SLC60A2: variants seen among roughly 807,000 people sequenced by gnomAD.
The protein encoded by SLC60A2 is solute carrier family 60 member 2.
chr6:111,262,383 G>A, the SLC60A2 span: 1 of 1,613,832 alleles, frequency 6.2e-7, no homozygotes, highest in Admixed American at 1.7e-5. Flanking sequence ...CTCTGTGATT[G>A]GTGGATTTCT....
the SLC60A2 span, among the ~76,000 whole-genome samples, chr6:111,263,027 T>C: frequency 6.6e-6 from 1 of 151,992 alleles, no homozygotes; most frequent in African/African-American, 2.4e-5. Flanking sequence ...AACCTCCCCC[T>C]CCTGGGCTCA....
the SLC60A2 span, chr6:111,265,389 T>TGG: frequency 1.0e-6 from 1 of 985,390 alleles, no homozygotes; most frequent in Non-Finnish European, 1.2e-6. Flanking sequence ...ACCAGAATCC[T>TGG]GGCTATTCAG....
the SLC60A2 span, chr6:111,270,251 C>T: frequency 6.6e-6 from 1 of 152,132 alleles, no homozygotes; most frequent in Non-Finnish European, 1.5e-5. Context: ...CATATTCTAG[C>T]GTCTAGAAGC....
At chr6:111,265,903 G>C in the SLC60A2 span, 3 of 1,611,006 alleles carry the variant, frequency 1.9e-6, no homozygotes, top group Non-Finnish European at 2.5e-6. Flanking sequence ...TTGGCTATTT[G>C]GGGGGACAAA....
the SLC60A2 span, chr6:111,267,171 G>A: frequency 1.2e-5 from 18 of 1,481,438 alleles, no homozygotes; most frequent in Non-Finnish European, 1.6e-5. Context: ...TTCTAAGGAC[G>A]CCATTCAGAG....
chr6:111,265,484 T>C, the SLC60A2 span: 6 of 630,144 alleles, frequency 9.5e-6, no homozygotes, highest in Non-Finnish European at 1.2e-5. Flanking sequence ...TACAGAAAGC[T>C]TTGGTAATTT....
At chr6:111,259,945 C>T in the SLC60A2 span, among the ~76,000 whole-genome samples, 7 of 135,654 alleles carry the variant, frequency 5.2e-5, no homozygotes, top group African/African-American at 1.9e-4. Context: ...GAGTCTCGCT[C>T]TGTTGCCCAG....
the SLC60A2 span, chr6:111,259,592 G>T: frequency 1.6e-6 from 2 of 1,247,524 alleles, no homozygotes; most frequent in Non-Finnish European, 2.2e-6. Context: ...CGGGGCAGCG[G>T]CTCCTGCAGG....
At chr6:111,268,394 C>T in the SLC60A2 span, 1 of 152,104 alleles carries the variant, frequency 6.6e-6, no homozygotes, top group Non-Finnish European at 1.5e-5. Flanking sequence ...CAGTTTTTTC[C>T]CATATGTATA....
the SLC60A2 span, among the ~76,000 whole-genome samples, chr6:111,271,856 T>C: frequency 7.0e-6 from 1 of 142,960 alleles, no homozygotes; most frequent in South Asian, 2.3e-4. Context: ...GTAATCCCAC[T>C]TCTGGGGAGG....
chr6:111,265,962 T>A, the SLC60A2 span: 4 of 1,613,974 alleles, frequency 2.5e-6, no homozygotes, highest in African/African-American at 5.3e-5. Context: ...CTTGGGTGCC[T>A]TTTTGGCTCC....
the SLC60A2 span, chr6:111,267,426 G>T: frequency 1.7e-5 from 4 of 239,934 alleles, no homozygotes; most frequent in South Asian, 1.1e-4. Context: ...TTTGAGAAGG[G>T]GGGTATTCTC....
chr6:111,274,997 A>G, the SLC60A2 span, among the ~76,000 whole-genome samples: 3 of 151,718 alleles, frequency 2.0e-5, no homozygotes, highest in Non-Finnish European at 4.4e-5. Flanking sequence ...ATCATAGCTC[A>G]TTGCAGCTTC....
the SLC60A2 span, among the ~76,000 whole-genome samples, chr6:111,260,405 G>A: frequency 4.6e-5 from 7 of 152,336 alleles, no homozygotes; most frequent in East Asian, 1.2e-3. Context: ...AAGGAAATAG[G>A]CCCGGAGGGG....
At chr6:111,266,670 C>G in the SLC60A2 span, 1 of 1,614,118 alleles carries the variant, frequency 6.2e-7, no homozygotes, top group African/African-American at 1.3e-5. Flanking sequence ...AATGGCTATT[C>G]CTGCAGTCAT....
the SLC60A2 span, among the ~76,000 whole-genome samples, chr6:111,273,017 G>A: frequency 1.3e-5 from 2 of 152,030 alleles, no homozygotes; most frequent in Non-Finnish European, 2.9e-5. Context: ...TTTTAGTAGA[G>A]ACGGGGTTTC....
the SLC60A2 span, chr6:111,270,729 C>T: frequency 6.6e-6 from 1 of 152,244 alleles, no homozygotes; most frequent in Non-Finnish European, 1.5e-5. Flanking sequence ...CCTGTAGTCC[C>T]AGCTACTCGG....
the SLC60A2 span, chr6:111,270,854 AC>A: frequency 6.6e-5 from 10 of 152,122 alleles, no homozygotes; most frequent in African/African-American, 2.4e-4. Context: ...AAAAAAAAAA[AC>A]AAAAATATTC....
At chr6:111,262,473 A>C in the SLC60A2 span, 2 of 1,534,734 alleles carry the variant, frequency 1.3e-6, no homozygotes, top group Non-Finnish European at 1.8e-6. Context: ...AAGTGAATTT[A>C]CAAGTTGTCT....
Sources: allele counts gnomAD v4.1 joint callset (sites outside exome capture counted in the v4.1 genomes callset), GRCh38; gene constraint gnomAD v4.1.1; transcripts MANE v1.5; gene names NCBI Gene and HGNC (gene_info 2026-07-23, HGNC 2026-07-21).